The following CLTCL1 variants were observed in gnomAD, a reference collection of about 807,000 sequenced individuals.
CLTCL1 encodes clathrin heavy chain like 1, also known as clathrin heavy chain 2.
In CLTCL1, 159 loss-of-function variants were observed where a neutral mutation model predicts 190.0. That is an observed-to-expected ratio of 0.84 (90% CI 0.74 to 0.95). The LOEUF (loss-of-function observed/expected upper bound fraction) is 0.95, where lower values mean the gene tolerates loss of function less well. Among genes scored for constraint, CLTCL1 ranks in the 40% least tolerant of loss-of-function variants. The probability of loss-of-function intolerance (pLI) is 0.00; values close to 1 mark genes in which losing one functional copy is unlikely to be tolerated. For synonymous variants in CLTCL1, 752 were observed against 769.6 expected, an observed-to-expected ratio of 0.98 and a Z score of 0.38; for missense variants, 1,878 against 2,033.4, an observed-to-expected ratio of 0.92 and a Z score of 1.47.
At chr22:19,282,459 G>A (rs553158892) in intron 1 of CLTCL1, among the ~76,000 whole-genome samples, 1 of 151,934 alleles carries the variant, frequency 6.6e-6, no homozygotes, top group South Asian at 2.1e-4. Flanking sequence ...CCAACATGGT[G>A]AAACCCCGTC....
chr22:19,195,135 A>C (rs529627820), intron 26 of CLTCL1, among the ~76,000 whole-genome samples: 2 of 152,364 alleles, frequency 1.3e-5, no homozygotes, highest in African/African-American at 4.8e-5. Flanking sequence ...TACAATGTGA[A>C]TAAAATACAC....
chr22:19,288,446 AAC>A (rs2087988453), intron 1 of CLTCL1, among the ~76,000 whole-genome samples: 1 of 152,346 alleles, frequency 6.6e-6, no homozygotes, highest in African/African-American at 2.4e-5. Context: ...TGTATTATGT[AAC>A]AGTTATTGTT....
intron 19 of CLTCL1, among the ~76,000 whole-genome samples, chr22:19,215,475 T>C (rs1026758587): frequency 6.6e-6 from 1 of 152,234 alleles, no homozygotes; most frequent in African/African-American, 2.4e-5. Flanking sequence ...CTTACCTCTA[T>C]GGTGCCTGCC....
In CLTCL1 at chr22:19,220,064, G is replaced by A. The variant is rs558468117; in HGVS notation, c.2797-57C>T. 33 of 1,609,724 alleles carry A rather than the reference G, an allele frequency of 2.1e-5. No homozygotes were observed. The Admixed American group carries it at 4.2e-4, about 20-fold the overall frequency. ...GCAGCCAACCAGCGGAAGCTGCTTG[G>A]GAGGACACACCCCAATTCGTTCCCT... On this transcript the variant is annotated intron_variant, in intron 17 of 32. Transcript: ENST00000427926.
In CLTCL1 at chr22:19,180,739, A is replaced by G. The variant is rs1555925441; in HGVS notation, c.4895T>C (p.Leu1632Pro). The G allele has an allele frequency of 6.2e-7, 1 of 1,613,646 alleles. No homozygotes were observed. The highest frequency in any genetic ancestry group is 1.1e-5 in the South Asian group (1 of 91,082). The change falls in exon 31 of 33, where the codon CTC becomes CCC. Residue 1632 changes from leucine to proline, a missense_variant. Physicochemically the swap from Leu to Pro is moderately conservative, Grantham distance 98. Transcript: ENST00000427926. ...CTACAGGTGCCACCTACCAAACACG[A>G]GAGGGGCAGGCTCTGTCACATGCTC... ...QEEHVTEPAPLVFDFDGHE is the reference protein window; with the variant it reads ...QEEHVTEPAPPVFDFDGHE
intron 2 of CLTCL1, chr22:19,258,640 A>C: frequency 3.2e-6 from 2 of 634,654 alleles, no homozygotes; most frequent in South Asian, 3.0e-5. Flanking sequence ...CTGGAGGCTG[A>C]GATCACCACC....
chr22:19,183,859 G>A (rs567399905), intron 29 of CLTCL1: 8 of 534,346 alleles, frequency 1.5e-5, no homozygotes, highest in African/African-American at 1.3e-4. Context: ...TGGGAGACAG[G>A]AACTCTAGCC....
intron 2 of CLTCL1, among the ~76,000 whole-genome samples, chr22:19,267,292 T>A (rs778130889): frequency 9.2e-5 from 14 of 152,142 alleles, no homozygotes; most frequent in Non-Finnish European, 1.9e-4. Context: ...GCTCACTGAA[T>A]ATGCAAAACA....
chr22:19,183,164 C>G, intron 30 of CLTCL1: 1 of 527,938 alleles, frequency 1.9e-6, no homozygotes, highest in African/African-American at 1.9e-5. Context: ...AGGAGGGCTG[C>G]TGCCAGTGGG....
chr22:19,275,217 C>T (rs2087458827), intron 2 of CLTCL1, among the ~76,000 whole-genome samples: 1 of 152,204 alleles, frequency 6.6e-6, no homozygotes, highest in South Asian at 2.1e-4. Context: ...TAATTATCAG[C>T]TCCTCTATCA....
chr22:19,287,730 A>C (rs2087958200), intron 1 of CLTCL1, among the ~76,000 whole-genome samples: 1 of 152,092 alleles, frequency 6.6e-6, no homozygotes, highest in South Asian at 2.1e-4. Context: ...AAACAGGAGA[A>C]AGGGACAACA....
intron 19 of CLTCL1, among the ~76,000 whole-genome samples, chr22:19,212,567 GAGAAAGAAAGAAAGAAAGAGAA>G (rs2085260446): frequency 7.1e-6 from 1 of 141,610 alleles, no homozygotes; most frequent in Non-Finnish European, 1.5e-5. Flanking sequence ...TTGAAAGAAA[GAGAAAGAAAGAAAGAAAGAGAA>G]AGAAAGAAAG....
chr22:19,218,377 G>A (rs1293963150), intron 18 of CLTCL1, among the ~76,000 whole-genome samples: 2 of 152,208 alleles, frequency 1.3e-5, no homozygotes, highest in Non-Finnish European at 2.9e-5. Flanking sequence ...TAAGTCCAAA[G>A]TTGAAACAGA....
intron 14 of CLTCL1, 83 bp from the exon 15 acceptor site, chr22:19,222,892 GCT>G: frequency 6.7e-7 from 1 of 1,501,226 alleles, no homozygotes; most frequent in Non-Finnish European, 9.0e-7. Context: ...ACATGGGACG[GCT>G]CTGTCTCTGC....
intron 2 of CLTCL1, chr22:19,258,600 G>C: frequency 1.6e-6 from 1 of 619,454 alleles, no homozygotes; most frequent in East Asian, 3.4e-5. Flanking sequence ...CCAGGCCCAG[G>C]AGTACGAGGC....
chr22:19,199,816 T>C lies in CLTCL1; in HGVS notation c.3791A>G (p.Gln1264Arg), dbSNP rs367793842. 40 of 1,596,026 alleles carry C rather than the reference T, an allele frequency of 2.5e-5. No homozygotes were observed. The highest frequency in any genetic ancestry group is 3.3e-4 in the Middle Eastern group (2 of 6,068). ...KEVCFACMDGQEFRFAQLCGL... is the reference protein window; with the variant it reads ...KEVCFACMDGREFRFAQLCGL... ...ACACAGCTGTGCGAAGCGGAACTCT[T>C]GTCCATCCATGCAGGCAAAGCACAC... The change falls in exon 24 of 33, where the codon CAA becomes CGA. Residue 1264 changes from glutamine to arginine, a missense_variant. Transcript: ENST00000427926.
At position 19,199,848 on chromosome 22, in the gene CLTCL1, G is replaced by T. The variant is rs1555938085; in HGVS notation, c.3766-7C>A. The stretch of plus-strand genomic sequence containing the variant: ...CCATGCAGGCAAAGCACACCTAGGG[G>T]ACGGAGGGCAAGCGTGAGGGTCCCC... On this transcript the variant is annotated splice_polypyrimidine_tract_variant and splice_region_variant and intron_variant, in intron 23 of 32. Coordinates refer to ENST00000427926, the MANE Select transcript of CLTCL1 (RefSeq NM_007098.4). 1.9e-6 allele frequency: 3 copies of T among 1,581,580 alleles called. No homozygotes were observed. Among genetic ancestry groups the T allele is most frequent in the Non-Finnish European group, 2.6e-6 (3 of 1,163,432 alleles).
intron 29 of CLTCL1, among the ~76,000 whole-genome samples, chr22:19,186,481 C>G (rs917527379): frequency 6.6e-6 from 1 of 152,186 alleles, no homozygotes; most frequent in African/African-American, 2.4e-5. Context: ...AGAAAAAACA[C>G]AGTTTCTTTT....
intron 5 of CLTCL1, among the ~76,000 whole-genome samples, chr22:19,237,939 T>C (rs1035948258): frequency 5.2e-4 from 79 of 152,328 alleles, no homozygotes; most frequent in African/African-American, 1.9e-3. Context: ...ACAGATAACA[T>C]ATATTTTATG....
Sources: allele counts gnomAD v4.1 joint callset (sites outside exome capture counted in the v4.1 genomes callset), GRCh38; gene constraint gnomAD v4.1.1; transcripts MANE v1.5; gene names NCBI Gene and HGNC (gene_info 2026-07-23, HGNC 2026-07-21).